Variants in MACF1 observed in about 807,000 individuals in gnomAD.
MACF1 encodes microtubule actin crosslinking factor 1.
Under a neutral mutation model 854.8 loss-of-function variants are expected in MACF1, and 193 were observed. The ratio of observed to expected loss-of-function variants is 0.23; its 90% CI spans 0.20 to 0.25. The LOEUF is 0.25. Ranked by LOEUF, MACF1 falls within the 10% of genes least tolerant of loss-of-function variation. MACF1 has a pLI of 1.00. For missense variants in MACF1, 7,722 were observed against 8,929.1 expected, an observed-to-expected ratio of 0.86 and a Z score of 5.45; for synonymous variants, 3,185 against 3,226.7, an observed-to-expected ratio of 0.99 and a Z score of 0.44.
At chr1:39,208,444 A>C (rs1327820321) in intron 1 of MACF1, among the ~76,000 whole-genome samples, 1 of 151,960 alleles carries the variant, frequency 6.6e-6, no homozygotes, top group Admixed American at 6.6e-5. Flanking sequence ...TACTAATTAA[A>C]AACAGGGACT....
chr1:39,195,691 C>T (rs916306860), intron 2 of MACF1, among the ~76,000 whole-genome samples: 19 of 152,236 alleles, frequency 1.2e-4, no homozygotes, highest in South Asian at 2.1e-4. Context: ...GAAGGAAAAA[C>T]GTGCCAGGAT....
At chr1:39,245,720 T>A (rs973645948) in intron 2 of MACF1, among the ~76,000 whole-genome samples, 1 of 152,222 alleles carries the variant, frequency 6.6e-6, no homozygotes, top group African/African-American at 2.4e-5. Flanking sequence ...AGACTGTGTC[T>A]CAATCAATCA....
At chr1:39,240,301 T>C (rs1050781532) in intron 2 of MACF1, among the ~76,000 whole-genome samples, 2 of 151,882 alleles carry the variant, frequency 1.3e-5, no homozygotes, top group African/African-American at 4.8e-5. Context: ...AGGAAAGGAG[T>C]GTTACCTTTG....
At chr1:39,287,190 T>G (rs1645661802) in intron 14 of MACF1, 96 bp from the exon 15 acceptor site, 14 of 1,328,128 alleles carry the variant, frequency 1.1e-5, no homozygotes, top group African/African-American at 1.5e-5. Context: ...ATTTTTATTT[T>G]TATCATATCT....
At chr1:39,286,941 G>T (rs566322076) in intron 14 of MACF1, among the ~76,000 whole-genome samples, 2 of 152,042 alleles carry the variant, frequency 1.3e-5, no homozygotes, top group South Asian at 4.2e-4. Context: ...TTCCTTCTAT[G>T]ATCTCATTTT....
At chr1:39,347,539 C>T (rs1431865729) in intron 41 of MACF1, among the ~76,000 whole-genome samples, 1 of 152,140 alleles carries the variant, frequency 6.6e-6, no homozygotes, top group Admixed American at 6.5e-5. Context: ...CTAGTCCTTT[C>T]CCTACTTTAC....
At chr1:39,422,224 T>C (rs2148636571) in intron 58 of MACF1, 150 bp from the exon 59 acceptor site, 2 of 574,678 alleles carry the variant, frequency 3.5e-6, no homozygotes, top group East Asian at 5.7e-5. Context: ...CATGTTTTCT[T>C]GATGCTTCAC....
At chr1:39,259,772 A>C (rs906721761) in intron 6 of MACF1, among the ~76,000 whole-genome samples, 1 of 151,848 alleles carries the variant, frequency 6.6e-6, no homozygotes, top group Non-Finnish European at 1.5e-5. Flanking sequence ...ACTGGCATGC[A>C]CCACTACACC....
intron 2 of MACF1, among the ~76,000 whole-genome samples, chr1:39,184,017 T>C (rs114200172): frequency 0.017 from 2,539 of 152,254 alleles, 76 homozygotes; most frequent in African/African-American, 0.058. Flanking sequence ...GGAACCTTGA[T>C]TGAGCTGCTG....
In MACF1 at chr1:39,336,085, A is replaced by G; in HGVS notation, c.9497A>G (p.Asn3166Ser). Reference protein sequence around the residue: ...KETKHQISSSNECKEKSYQEV... With the variant: ...KETKHQISSSSECKEKSYQEV... ...ACCAAACATCAAATTTCCTCATCTAATGAATGTAAAGAAAAGTCATACCAA... is the reference window on the plus strand; with the variant it reads ...ACCAAACATCAAATTTCCTCATCTAGTGAATGTAAAGAAAAGTCATACCAA... The change falls in exon 37 of 101, where the codon AAT becomes AGT. Residue 3166 changes from asparagine (N) to serine (S), a missense_variant. Asn to Ser is a conservative substitution (Grantham distance 46, BLOSUM62 1). This residue lies in a region of MACF1 where 854 missense variants were observed against 852.6 expected (regional missense o/e 1.00). Transcript: ENST00000564288. 1 of 1,613,936 alleles carries G rather than the reference A, an allele frequency of 6.2e-7. No homozygotes were observed. The highest frequency in any genetic ancestry group is 2.2e-5 in the East Asian group (1 of 44,882).
chr1:39,412,299 A>G (rs771570352), intron 58 of MACF1: 422 of 1,613,858 alleles, frequency 2.6e-4, no homozygotes, highest in Non-Finnish European at 3.0e-4. Flanking sequence ...CAAATTTACT[A>G]ACAGATGAAA....
At chr1:39,315,044 A>C (rs567979376) in intron 26 of MACF1, among the ~76,000 whole-genome samples, 3 of 152,324 alleles carry the variant, frequency 2.0e-5, no homozygotes, top group African/African-American at 7.2e-5. Context: ...AGAATGTAAA[A>C]CATTAACATG....
In MACF1 at chr1:39,447,578, A is replaced by G. The variant is rs1346714603; in HGVS notation, c.19752A>G (p.Glu6584=). ...TAAATACTGTCCTTTCCCAGATAGA[A>G]GAGCACAAGGTAAGTATGATATTAT... The part of the protein sequence containing the change: ...LILNTVLSQI[E]EHKVFANEVN... Residue 6584 remains glutamate, a synonymous_variant, in exon 81 of 101, where the codon GAA becomes GAG. Transcript: ENST00000564288. 1 of 1,614,240 alleles carries G rather than the reference A, an allele frequency of 6.2e-7. No homozygotes were observed. The highest frequency in any genetic ancestry group is 1.3e-5 in the African/African-American group (1 of 75,070).
Position 39,337,273 on chromosome 1 carries a change from A to G in MACF1, c.10157A>G (p.Gln3386Arg). ...CGGAACATTGAAATGAGGACCAAAC[A>G]GATTCAACCTTTGGAGCTAAACCTG... The part of the protein sequence containing the change: ...LLRNIEMRTK[Q>R]IQPLELNLAE... The change falls in exon 38 of 101, where the codon CAG (glutamine) becomes CGG (arginine). Residue 3386 changes from glutamine (Q) to arginine (R), a missense_variant. Physicochemically the swap from Gln to Arg is conservative, Grantham distance 43. Coordinates refer to ENST00000564288, the MANE Select transcript of MACF1 (RefSeq NM_001394062.1). The G allele has an allele frequency of 6.2e-7, 1 of 1,614,136 alleles. No homozygotes were observed.
chr1:39,256,191 A>G (rs1645094467), intron 5 of MACF1, among the ~76,000 whole-genome samples: 1 of 152,186 alleles, frequency 6.6e-6, no homozygotes, highest in Non-Finnish European at 1.5e-5. Flanking sequence ...TCATTGAGAA[A>G]AAGGTTAGCA....
rs777958716 is a variant in MACF1, at chr1:39,455,078, C to A, written c.21056C>A (p.Ala7019Asp). 6.2e-7 allele frequency: 1 copy of A among 1,613,992 alleles called. No homozygotes were observed. Residue 7019 changes from alanine to aspartate, a missense_variant, in exon 89 of 101, where the codon GCC (alanine) becomes GAC (aspartate). This residue lies in a region of MACF1 where 729 missense variants were observed against 900.5 expected (regional missense o/e 0.81). Coordinates refer to ENST00000564288, the MANE Select transcript of MACF1 (RefSeq NM_001394062.1). Reference protein sequence around the residue: ...PIPQNIDRVKALIAEHQTFME... With the variant: ...PIPQNIDRVKDLIAEHQTFME... ...CCGCAGAACATTGACCGAGTTAAAGCCCTTATCGCTGAGCATCAGGTATCT... is the reference window on the plus strand; with the variant it reads ...CCGCAGAACATTGACCGAGTTAAAGACCTTATCGCTGAGCATCAGGTATCT...
rs1642851367 is a variant in MACF1, at chr1:39,409,008, G to T, written c.15817-13366G>T. On this transcript the variant is annotated intron_variant, in intron 58 of 100. Coordinates refer to ENST00000564288, the MANE Select transcript of MACF1 (RefSeq NM_001394062.1). This position sits in a 1 kb window ranked among gnomAD's most constrained non-coding sequence, Gnocchi z 4.2. ...TCGCGCGCTCCCTGGCTTCCAGGGG[G>T]CTGCCCGGGCGGGGCGGCGCAGCGC... 1.3e-5 allele frequency among the ~76,000 whole-genome samples: 2 copies of T among 151,786 alleles called. No individual in the cohort carries two copies. Among genetic ancestry groups the T allele is most frequent in the South Asian group, 4.1e-4 (2 of 4,820 alleles).
intron 1 of MACF1, among the ~76,000 whole-genome samples, chr1:39,207,222 G>A (rs946974509): frequency 2.7e-5 from 4 of 149,850 alleles, no homozygotes; most frequent in Admixed American, 6.6e-5. Context: ...TTTTCTATTT[G>A]TGTTTACATA....
chr1:39,125,993 A>G (rs895336339), intron 2 of MACF1, among the ~76,000 whole-genome samples: 1 of 152,238 alleles, frequency 6.6e-6, no homozygotes, highest in Non-Finnish European at 1.5e-5. Flanking sequence ...ACTCTGTCTC[A>G]AACAAAACAA....
Sources: gnomAD v4.1 joint callset for allele counts (sites outside exome capture counted in the v4.1 genomes callset) on GRCh38, gnomAD v4.1.1 for gene constraint, gnomAD v4.1.1 regional missense constraint, Gnocchi (gnomAD v3.1) non-coding constraint, MANE v1.5 for transcripts, NCBI Gene and HGNC (gene_info 2026-07-23, HGNC 2026-07-21) for gene names.